Variants in BEND6 observed in about 807,000 individuals in gnomAD.
BEND6 encodes the protein BEN domain containing 6.
Under a neutral mutation model 31.8 loss-of-function variants are expected in BEND6, and 24 were observed. The observed-to-expected ratio is 0.75, with a 90% CI of 0.55 to 1.06. BEND6 has a LOEUF of 1.06. Among genes scored for constraint, BEND6 ranks in the 50% least tolerant of loss-of-function variants. The probability of loss-of-function intolerance (pLI) is 0.00; values close to 1 mark genes in which losing one functional copy is unlikely to be tolerated. For missense variants in BEND6, 294 were observed against 327.4 expected, an observed-to-expected ratio of 0.90 and a Z score of 0.79; for synonymous variants, 109 against 114.6, an observed-to-expected ratio of 0.95 and a Z score of 0.31.
chr6:56,995,162 G>A (rs1826658395), intron 3 of BEND6, among the ~76,000 whole-genome samples: 1 of 150,920 alleles, frequency 6.6e-6, no homozygotes, highest in Non-Finnish European at 1.5e-5. Flanking sequence ...GCAAGATCAA[G>A]TTTTCCTTCT....
intron 6 of BEND6, among the ~76,000 whole-genome samples, chr6:57,024,224 G>A (rs1827836728): frequency 6.6e-6 from 1 of 152,186 alleles, no homozygotes; most frequent in Non-Finnish European, 1.5e-5. Flanking sequence ...GAGCTTTGTA[G>A]TGGTGTTATG....
At chr6:57,001,502 A>T (rs1219389818) in intron 3 of BEND6, among the ~76,000 whole-genome samples, 6 of 152,296 alleles carry the variant, frequency 3.9e-5, no homozygotes, top group Admixed American at 1.3e-4. Flanking sequence ...AAAATGTCAG[A>T]TCACATTCAC....
chr6:56,965,323 C>T lies in BEND6; in HGVS notation c.-101+9863C>T, dbSNP rs533944159. On this transcript the variant is annotated intron_variant, in intron 1 of 6. Transcript: ENST00000370746. ...AGTAAATTATCTAAAATATGTGACT[C>T]AGCACATTAATTATATTTAGACCTT... Among the ~76,000 whole-genome samples, 10 of 151,634 alleles carry T rather than the reference C, an allele frequency of 6.6e-5. No homozygotes were observed. The East Asian group carries it at 1.9e-3, about 29-fold the overall frequency.
intron 6 of BEND6, among the ~76,000 whole-genome samples, chr6:57,021,556 C>T (rs1478402238): frequency 1.3e-5 from 2 of 152,078 alleles, no homozygotes; most frequent in Non-Finnish European, 2.9e-5. Flanking sequence ...CTTTCTTATT[C>T]CTGTGGCTGC....
At chr6:57,015,472 A>G in intron 4 of BEND6, 119 bp downstream of exon 4, 2 of 1,020,084 alleles carry the variant, frequency 2.0e-6, no homozygotes, top group Non-Finnish European at 1.4e-6. Context: ...GTTTTATTCA[A>G]TAGGAATATT....
At chr6:57,023,012 G>T (rs1356124066) in intron 6 of BEND6, among the ~76,000 whole-genome samples, 2 of 152,096 alleles carry the variant, frequency 1.3e-5, no homozygotes, top group Non-Finnish European at 2.9e-5. Context: ...CTACTGTTTT[G>T]AATTTATTGA....
intron 1 of BEND6, among the ~76,000 whole-genome samples, chr6:56,977,268 T>C (rs1269773353): frequency 6.6e-6 from 1 of 152,246 alleles, no homozygotes; most frequent in Non-Finnish European, 1.5e-5. Context: ...CTGTCAGTTT[T>C]TATTGTTTCT....
intron 1 of BEND6, among the ~76,000 whole-genome samples, chr6:56,971,813 A>AT (rs1825698966): frequency 6.6e-6 from 1 of 152,046 alleles, no homozygotes; most frequent in Admixed American, 6.6e-5. Flanking sequence ...TTTTTGAATC[A>AT]TTTTTTTGTT....
chr6:56,969,956 T>G (rs760478732), intron 1 of BEND6, among the ~76,000 whole-genome samples: 2 of 152,236 alleles, frequency 1.3e-5, no homozygotes, highest in Non-Finnish European at 2.9e-5. Flanking sequence ...TTATAATCCA[T>G]TAATGGGTTG....
chr6:56,991,176 ATTAAT>A (rs1242130543), intron 2 of BEND6, among the ~76,000 whole-genome samples: 5 of 152,220 alleles, frequency 3.3e-5, no homozygotes, highest in Admixed American at 6.5e-5. Context: ...GTCTCTCTAC[ATTAAT>A]TTAGATTATC....
At chr6:56,955,860 C>T (rs1378220277) in intron 1 of BEND6, among the ~76,000 whole-genome samples, 1 of 152,240 alleles carries the variant, frequency 6.6e-6, no homozygotes, top group Non-Finnish European at 1.5e-5. Flanking sequence ...CTTGCAGGCA[C>T]ACTCTGTCTC....
chr6:57,011,735 AG>A (rs148681638), intron 3 of BEND6, among the ~76,000 whole-genome samples: 6 of 147,330 alleles, frequency 4.1e-5, no homozygotes, highest in African/African-American at 1.0e-4. Context: ...AAAAAAAAAA[AG>A]AAAAAAAAAG....
chr6:56,971,228 A>G (rs556910529), intron 1 of BEND6, among the ~76,000 whole-genome samples: 1 of 152,296 alleles, frequency 6.6e-6, no homozygotes, highest in South Asian at 2.1e-4. Context: ...ATCATATAAT[A>G]TTGGTATTTT....
chr6:57,014,536 A>G (rs1050668582), intron 3 of BEND6: 2 of 1,500,996 alleles, frequency 1.3e-6, no homozygotes, highest in Admixed American at 2.4e-5. Flanking sequence ...GTAAGTTTCC[A>G]TTTGAAAAAA....
At chr6:56,989,375 T>C (rs889047849) in intron 2 of BEND6, among the ~76,000 whole-genome samples, 4 of 152,174 alleles carry the variant, frequency 2.6e-5, no homozygotes, top group African/African-American at 9.7e-5. Flanking sequence ...GTCCTATCAA[T>C]GGGAATTTGG....
chr6:56,976,048 G>A (rs1193597512), intron 1 of BEND6: 12 of 421,656 alleles, frequency 2.8e-5, no homozygotes, highest in Non-Finnish European at 4.7e-5. Context: ...AACAGGACAC[G>A]ATACAAAGTC....
intron 3 of BEND6, among the ~76,000 whole-genome samples, chr6:56,994,182 G>T (rs1280259517): frequency 6.6e-6 from 1 of 151,882 alleles, no homozygotes; most frequent in Non-Finnish European, 1.5e-5. Context: ...AATCTTGGCC[G>T]GGCGCAGTGG....
intron 2 of BEND6, among the ~76,000 whole-genome samples, chr6:56,991,337 AT>A (rs1826490551): frequency 6.6e-6 from 1 of 151,872 alleles, no homozygotes; most frequent in Admixed American, 6.6e-5. Context: ...TGTCAAGAGA[AT>A]CTATACAAAT....
intron 3 of BEND6, among the ~76,000 whole-genome samples, chr6:56,999,289 C>T (rs1453965491): frequency 6.6e-6 from 1 of 152,086 alleles, no homozygotes; most frequent in Non-Finnish European, 1.5e-5. Context: ...GAGGCCATCT[C>T]TGCTTCATGC....
Sources: gnomAD v4.1 joint callset for allele counts (sites outside exome capture counted in the v4.1 genomes callset) on GRCh38, gnomAD v4.1.1 for gene constraint, MANE v1.5 for transcripts, NCBI Gene and HGNC (gene_info 2026-07-23, HGNC 2026-07-21) for gene names.